Variants in MYCBPAP observed in about 807,000 individuals in gnomAD.
MYCBPAP encodes the protein MYCBP associated protein.
A neutral mutation model predicts 106.1 loss-of-function variants in MYCBPAP; 60 were observed. The ratio of observed to expected loss-of-function variants is 0.57; its 90% CI spans 0.46 to 0.70. The LOEUF is 0.70. Ranked by LOEUF, MYCBPAP falls within the 30% of genes least tolerant of loss-of-function variation. The pLI is 0.00. For missense variants in MYCBPAP, 1,064 were observed against 1,169.3 expected, an observed-to-expected ratio of 0.91 and a Z score of 1.31; for synonymous variants, 407 against 440.6, an observed-to-expected ratio of 0.92 and a Z score of 0.95.
At chr17:50,525,832 G>C (rs2034438807) in intron 13 of MYCBPAP, 49 bp from the exon 14 acceptor site, 1 of 1,530,246 alleles carries the variant, frequency 6.5e-7, no homozygotes. Flanking sequence ...AGAAACTGGG[G>C]CCTGCACCCC....
intron 15 of MYCBPAP, 93 bp downstream of exon 15, chr17:50,527,501 G>C: frequency 1.3e-6 from 2 of 1,528,622 alleles, no homozygotes; most frequent in Non-Finnish European, 1.8e-6. Context: ...CCAGGGGTCT[G>C]AGCTTCCGTT....
At chr17:50,518,818 G>T in intron 5 of MYCBPAP, 94 bp downstream of exon 5, 2 of 1,517,660 alleles carry the variant, frequency 1.3e-6, no homozygotes, top group South Asian at 2.3e-5. Flanking sequence ...GCCTTGGGCT[G>T]ACCACATTTG....
chr17:50,523,369 A>C (rs1209936405), intron 11 of MYCBPAP, among the ~76,000 whole-genome samples: 1 of 152,206 alleles, frequency 6.6e-6, no homozygotes, highest in Non-Finnish European at 1.5e-5. Context: ...CTAGGGGCTC[A>C]GTTATCTAGG....
At chr17:50,525,393 A>G (rs530984347) in intron 13 of MYCBPAP, among the ~76,000 whole-genome samples, 12 of 152,312 alleles carry the variant, frequency 7.9e-5, no homozygotes, top group Admixed American at 3.3e-4. Flanking sequence ...AGTAATAGCA[A>G]ACTCTTTTAT....
At chr17:50,523,492 C>T in intron 11 of MYCBPAP, 105 bp from the exon 12 acceptor site, 2 of 1,233,098 alleles carry the variant, frequency 1.6e-6, no homozygotes, top group Non-Finnish European at 2.3e-6. Flanking sequence ...GGATGGTTGG[C>T]CAGCCACCTG....
intron 13 of MYCBPAP, 49 bp downstream of exon 13, chr17:50,525,072 G>C (rs1348988230): frequency 3.8e-6 from 6 of 1,575,926 alleles, no homozygotes; most frequent in African/African-American, 2.7e-5. Flanking sequence ...CCTGCGTCAA[G>C]GGTCCCCAAC....
chr17:50,519,826 C>T, intron 7 of MYCBPAP, 39 bp downstream of exon 7: 2 of 1,597,256 alleles, frequency 1.3e-6, no homozygotes, highest in Non-Finnish European at 1.7e-6. Context: ...CATCTTGTGC[C>T]TGGCCCGGAG....
intron 15 of MYCBPAP, 139 bp from the exon 16 acceptor site, chr17:50,528,016 G>C: frequency 4.2e-6 from 3 of 717,992 alleles, no homozygotes; most frequent in Non-Finnish European, 7.2e-6. Context: ...GGAACAGTGA[G>C]GATGCTGGCT....
intron 15 of MYCBPAP, 73 bp from the exon 16 acceptor site, chr17:50,528,082 G>A: frequency 7.7e-7 from 1 of 1,298,448 alleles, no homozygotes; most frequent in South Asian, 1.3e-5. Flanking sequence ...TTTGAAGGGA[G>A]GGACCCAAGC....
intron 1 of MYCBPAP, among the ~76,000 whole-genome samples, chr17:50,515,309 T>A (rs112040745): frequency 3.2e-4 from 49 of 152,228 alleles, no homozygotes; most frequent in African/African-American, 1.0e-3. Context: ...TTGTTTCCCA[T>A]TGGGCATGTG....
rs1480443255 is a variant in MYCBPAP, at chr17:50,525,201, A to C, written c.1782+178A>C. On this transcript the variant is annotated intron_variant, in intron 13 of 18. Transcript: ENST00000323776. ...CATAGGAGCACGAATCCCATTGTGA[A>C]CTGCGCATGCGAGGGATGGAAATTG... 1.4e-5 allele frequency: 9 copies of C among 661,198 alleles called. No homozygotes were observed. The African/African-American group carries it at 1.5e-4, about 11-fold the overall frequency. The allele number at this position is 661,198 out of a possible 1,614,324, so 41.0% of individuals were successfully genotyped here.
At chr17:50,521,900 C>A in intron 9 of MYCBPAP, 73 bp from the exon 10 acceptor site, 1 of 1,404,426 alleles carries the variant, frequency 7.1e-7, no homozygotes, top group Non-Finnish European at 1.0e-6. Flanking sequence ...TTCCTGGTGA[C>A]CGTTTCTGTG....
intron 2 of MYCBPAP, 150 bp downstream of exon 2, chr17:50,516,847 C>T (rs2034072231): frequency 2.4e-6 from 2 of 817,114 alleles, no homozygotes; most frequent in South Asian, 3.6e-5. Flanking sequence ...CACTTTACCA[C>T]CTTAAGGAAT....
In MYCBPAP at chr17:50,517,303, C is replaced by T. The variant is rs2143928316; in HGVS notation, c.215C>T (p.Pro72Leu). Residue 72 changes from proline (P) to leucine (L), a missense_variant, in exon 3 of 19, where the codon CCT (proline) becomes CTT (leucine). Pro to Leu is a moderately conservative substitution (Grantham distance 98). Coordinates refer to ENST00000323776, the MANE Select transcript of MYCBPAP (RefSeq NM_032133.6). ...TTTATTTCTTTTTAGCAACACATTC[C>T]TCGCCTTACTGAAAAGGAAGATAAA... The part of the protein sequence containing the change: ...KKEDLKEQHI[P>L]RLTEKEDKRV... The T allele has an allele frequency of 6.2e-7, 1 of 1,614,076 alleles. No individual in the cohort carries two copies. Among genetic ancestry groups the T allele is most frequent in the East Asian group, 2.2e-5 (1 of 44,888 alleles).
chr17:50,522,463 C>T (rs146124227), intron 10 of MYCBPAP: 7 of 168,718 alleles, frequency 4.1e-5, no homozygotes, highest in South Asian at 3.1e-4. Context: ...GGGAGGCTGA[C>T]GTGGGTGGAT....
intron 10 of MYCBPAP, 45 bp downstream of exon 10, chr17:50,522,126 G>T: frequency 1.9e-6 from 3 of 1,541,354 alleles, no homozygotes; most frequent in Non-Finnish European, 2.7e-6. Context: ...CTCCCTCAGG[G>T]GTGCAGCCCT....
Position 50,522,963 on chromosome 17 carries a change from T to C in MYCBPAP, c.1282T>C (p.Leu428=), listed in dbSNP as rs767429061. 9.3e-6 allele frequency: 15 copies of C among 1,612,700 alleles called. 1 individual carries two copies. The South Asian group carries it at 1.5e-4, about 17-fold the overall frequency. The change falls in exon 11 of 19, where the codon TTG becomes CTG. Residue 428 remains leucine (L), a synonymous_variant. Transcript: ENST00000323776. ...GAGGCAGGTTGGGATTGCTGCTCAC[T>C]TGACCTTTGAAACCCTAGAAGGCGA... The part of the protein sequence containing the change: ...DKRQVGIAAH[L]TFETLEGEKT...
At chr17:50,530,722 A>G (rs1462083221) in intron 18 of MYCBPAP, among the ~76,000 whole-genome samples, 4 of 152,056 alleles carry the variant, frequency 2.6e-5, no homozygotes, top group African/African-American at 9.7e-5. Context: ...CTGTGGATAC[A>G]GGAAGGAAAA....
intron 15 of MYCBPAP, 140 bp from the exon 16 acceptor site, chr17:50,528,015 A>T: frequency 1.4e-6 from 1 of 708,740 alleles, no homozygotes. Context: ...GGGAACAGTG[A>T]GGATGCTGGC....
Sources: gnomAD v4.1 joint callset for allele counts (sites outside exome capture counted in the v4.1 genomes callset) on GRCh38, gnomAD v4.1.1 for gene constraint, MANE v1.5 for transcripts, NCBI Gene and HGNC (gene_info 2026-07-23, HGNC 2026-07-21) for gene names.